The following PRKACB variants were observed in gnomAD, a reference collection of about 807,000 sequenced individuals.
PRKACB encodes the protein cAMP-dependent protein kinase catalytic subunit beta.
PRKACB carries 16 observed loss-of-function variants against 51.4 expected under a neutral mutation model. That is an observed-to-expected ratio of 0.31 (90% CI 0.21 to 0.47). The LOEUF (loss-of-function observed/expected upper bound fraction) is 0.47. PRKACB is among the 20% of genes least tolerant of loss of function. The probability of loss-of-function intolerance (pLI) is 1.00; values close to 1 mark genes in which losing one functional copy is unlikely to be tolerated. For synonymous variants in PRKACB, 147 were observed against 154.4 expected (o/e 0.95, Z 0.35); for missense variants, 309 against 464.5 (o/e 0.67, Z 3.08).
At chr1:84,084,199 G>A (rs1438540285) in intron 1 of PRKACB, among the ~76,000 whole-genome samples, 1 of 152,130 alleles carries the variant, frequency 6.6e-6, no homozygotes, top group Admixed American at 6.5e-5. Flanking sequence ...TAGGAGGAAG[G>A]GTGTTCTGAG....
chr1:84,187,537 A>G (rs1665511619), intron 5 of PRKACB, among the ~76,000 whole-genome samples: 1 of 152,130 alleles, frequency 6.6e-6, no homozygotes, highest in Admixed American at 6.6e-5. Context: ...CCCATACATC[A>G]GGCATGAGAC....
At chr1:84,137,425 T>A (rs1172674399) in intron 1 of PRKACB, among the ~76,000 whole-genome samples, 1 of 152,164 alleles carries the variant, frequency 6.6e-6, no homozygotes, top group Non-Finnish European at 1.5e-5. Context: ...GGTTGTGAAA[T>A]TATTGGATAC....
At chr1:84,082,596 A>G (rs1647630829) in intron 1 of PRKACB, among the ~76,000 whole-genome samples, 1 of 152,172 alleles carries the variant, frequency 6.6e-6, no homozygotes, top group Non-Finnish European at 1.5e-5. Flanking sequence ...CCATTTTAAA[A>G]GTATTGGCAA....
At chr1:84,223,955 A>G (rs1282120975) in intron 9 of PRKACB, among the ~76,000 whole-genome samples, 1 of 152,180 alleles carries the variant, frequency 6.6e-6, no homozygotes, top group Non-Finnish European at 1.5e-5. Flanking sequence ...CATTTCCTCC[A>G]GTTTTTAGGA....
chr1:84,192,654 A>G lies in PRKACB; in HGVS notation c.561-3962A>G, dbSNP rs529987561. Among the ~76,000 whole-genome samples, 4 of 152,268 alleles carry G rather than the reference A, an allele frequency of 2.6e-5. No individual in the cohort carries two copies. The South Asian group carries it at 8.3e-4, about 32-fold the overall frequency. ...AGCTTTGAGACAGTATTTTGTAACA[A>G]GGCAATCTCTGAGTCCTGAAATTTT... On this transcript the variant is annotated intron_variant, in intron 5 of 9. Coordinates refer to ENST00000370685, the MANE Select transcript of PRKACB (RefSeq NM_182948.4).
intron 1 of PRKACB, among the ~76,000 whole-genome samples, chr1:84,105,024 T>C (rs1157283856): frequency 1.3e-5 from 2 of 152,176 alleles, no homozygotes; most frequent in Non-Finnish European, 2.9e-5. Flanking sequence ...CTTGGAGTGT[T>C]CTCTAAAAAC....
intron 9 of PRKACB, among the ~76,000 whole-genome samples, chr1:84,217,383 G>A (rs17373239): frequency 1.2e-3 from 184 of 151,938 alleles, no homozygotes; most frequent in Non-Finnish European, 2.1e-3. Context: ...GATCTCAGTA[G>A]CCAATTAAAA....
rs1005366826 is a variant in PRKACB at position 84,230,457 on chromosome 1, A to C, written c.1072-4723A>C. 1.8e-4 allele frequency among the ~76,000 whole-genome samples: 28 copies of C among 152,186 alleles called. No homozygotes were observed. In the East Asian group the frequency reaches 3.9e-3, roughly 21 times the overall value. On this transcript the variant is annotated intron_variant, in intron 9 of 9. Coordinates refer to ENST00000370685, the MANE Select transcript of PRKACB (RefSeq NM_182948.4). ...ATATGAACTTTAAAGTAGTTTTTCC[A>C]ATTCTGTGAAGAAAGTCATTGGTAG...
At chr1:84,135,009 A>G (rs1652652614) in intron 1 of PRKACB, among the ~76,000 whole-genome samples, 1 of 152,224 alleles carries the variant, frequency 6.6e-6, no homozygotes, top group Admixed American at 6.5e-5. Flanking sequence ...AAGGCAAGCT[A>G]TGCATTGTCT....
At chr1:84,165,092 C>A in intron 1 of PRKACB, 1 of 1,169,266 alleles carries the variant, frequency 8.6e-7, no homozygotes, top group Non-Finnish European at 1.2e-6. Flanking sequence ...TTTAAAGGGA[C>A]AGTTATAAAG....
In PRKACB at chr1:84,153,771, A is replaced by G. The variant is rs151327349; in HGVS notation, c.187+9223A>G. Among the ~76,000 whole-genome samples, 988 of 152,294 alleles carry G rather than the reference A, an allele frequency of 6.5e-3. 7 individuals carry two copies. Among genetic ancestry groups the G allele is most frequent in the Non-Finnish European group, 9.2e-3 (626 of 68,012 alleles). ...CCTTCTTTCTTAAGGTTGATAGTGT[A>G]TTCCAGTGTGTAGAATACCATACGT... On this transcript the variant is annotated intron_variant, in intron 1 of 9. Coordinates refer to ENST00000370685, the MANE Select transcript of PRKACB (RefSeq NM_182948.4).
At chr1:84,182,414 C>T (rs1663804358) in intron 3 of PRKACB, 86 bp downstream of exon 3, 1 of 1,016,774 alleles carries the variant, frequency 9.8e-7, no homozygotes. Flanking sequence ...TAATGACTTA[C>T]CATTGACAGC....
intron 1 of PRKACB, among the ~76,000 whole-genome samples, chr1:84,089,188 AT>A (rs1648258108): frequency 6.6e-6 from 1 of 152,278 alleles, no homozygotes; most frequent in African/African-American, 2.4e-5. Flanking sequence ...GGATAGTTAA[AT>A]GGATCAAAAA....
intron 8 of PRKACB, chr1:84,205,118 TAA>T: frequency 1.0e-6 from 1 of 981,566 alleles, no homozygotes; most frequent in South Asian, 4.7e-5. Flanking sequence ...GTTTTTTAAC[TAA>T]AAGTACCAGA....
intron 1 of PRKACB, among the ~76,000 whole-genome samples, chr1:84,132,562 C>A (rs1034043189): frequency 6.6e-5 from 10 of 152,114 alleles, no homozygotes; most frequent in African/African-American, 1.7e-4. Flanking sequence ...TCAGATGTTA[C>A]AGATATGCGA....
intron 1 of PRKACB, among the ~76,000 whole-genome samples, chr1:84,082,906 G>T (rs1482283457): frequency 1.3e-5 from 2 of 152,094 alleles, no homozygotes; most frequent in African/African-American, 4.8e-5. Context: ...GTAGATGAAC[G>T]GAATGCTGGA....
intron 1 of PRKACB, among the ~76,000 whole-genome samples, chr1:84,130,869 G>T (rs1461912428): frequency 6.6e-6 from 1 of 152,100 alleles, no homozygotes; most frequent in African/African-American, 2.4e-5. Flanking sequence ...TAAATATCTG[G>T]ATAAATATAA....
At chr1:84,089,944 A>G (rs2100767322) in intron 1 of PRKACB, among the ~76,000 whole-genome samples, 1 of 152,274 alleles carries the variant, frequency 6.6e-6, no homozygotes, top group South Asian at 2.1e-4. Flanking sequence ...ATTCCTTTGC[A>G]CATCTGCCTC....
chr1:84,193,105 C>T (rs1216448742), intron 5 of PRKACB, among the ~76,000 whole-genome samples: 2 of 152,146 alleles, frequency 1.3e-5, no homozygotes, highest in African/African-American at 2.4e-5. Flanking sequence ...CCCTCCCCAA[C>T]AGGAGATCAG....
Sources: gnomAD v4.1 joint callset for allele counts (sites outside exome capture counted in the v4.1 genomes callset) on GRCh38, gnomAD v4.1.1 for gene constraint, MANE v1.5 for transcripts, NCBI Gene and HGNC (gene_info 2026-07-23, HGNC 2026-07-21) for gene names.